Variants in ROBO2 observed in about 807,000 individuals in gnomAD.
ROBO2 encodes roundabout guidance receptor 2, also known as roundabout homolog 2.
Under a neutral mutation model 160.8 loss-of-function variants are expected in ROBO2, and 53 were observed. The observed-to-expected ratio is 0.33, with a 90% CI of 0.26 to 0.41. The LOEUF is 0.41. Ranked by LOEUF, ROBO2 falls within the 10% of genes least tolerant of loss-of-function variation. The pLI is 1.00. For missense variants in ROBO2, 1,577 were observed against 1,722.4 expected, an observed-to-expected ratio of 0.92 and a Z score of 1.49; for synonymous variants, 664 against 611.7, an observed-to-expected ratio of 1.09 and a Z score of -1.26.
chr3:76,910,640 C>T (rs375335769), intron 2 of ROBO2, among the ~76,000 whole-genome samples: 4 of 144,372 alleles, frequency 2.8e-5, no homozygotes, highest in Non-Finnish European at 6.0e-5. Context: ...GCAGGAGAAT[C>T]GCTTGAACCC....
At chr3:76,948,989 G>A (rs1476570248) in intron 2 of ROBO2, among the ~76,000 whole-genome samples, 1 of 141,300 alleles carries the variant, frequency 7.1e-6, no homozygotes, top group Non-Finnish European at 1.5e-5. Context: ...GACCTGAGGT[G>A]ATCCACCCGC....
At position 77,483,125 on chromosome 3, in the gene ROBO2, T is replaced by C. The variant is rs190937112; in HGVS notation, c.667+1906T>C. Among the ~76,000 whole-genome samples, 1,028 of 152,260 alleles carry C rather than the reference T, an allele frequency of 6.8e-3. 5 individuals are homozygous for C. Among genetic ancestry groups the C allele is most frequent in the Non-Finnish European group, 0.01 (706 of 68,010 alleles). ...TCTAGAGGCAGTTCCCCTGGCAGAA[T>C]TGATTTAGGAAACGGAGAATGTTTA... On this transcript the variant is annotated intron_variant, in intron 4 of 25. Coordinates refer to ENST00000461745, the Ensembl canonical transcript of ROBO2.
intron 2 of ROBO2, among the ~76,000 whole-genome samples, chr3:77,300,035 A>C (rs988766752): frequency 6.6e-6 from 1 of 152,138 alleles, no homozygotes; most frequent in African/African-American, 2.4e-5. Context: ...AAAATATTTA[A>C]ATCTGCCATA....
At chr3:76,588,616 G>A (rs751796660) in intron 2 of ROBO2, among the ~76,000 whole-genome samples, 1 of 152,164 alleles carries the variant, frequency 6.6e-6, no homozygotes, top group Non-Finnish European at 1.5e-5. Context: ...GTTACAAATA[G>A]TGTTATTTAA....
chr3:76,124,133 A>T (rs2070869628), intron 2 of ROBO2, among the ~76,000 whole-genome samples: 1 of 152,150 alleles, frequency 6.6e-6, no homozygotes, highest in Admixed American at 6.5e-5. Flanking sequence ...CTTAAATATA[A>T]AAGTTACTAT....
chr3:76,677,848 G>A (rs1418807037), intron 2 of ROBO2, among the ~76,000 whole-genome samples: 1 of 150,672 alleles, frequency 6.6e-6, no homozygotes, highest in African/African-American at 2.4e-5. Flanking sequence ...CTAGCTTCTA[G>A]CATAATCCCA....
intron 2 of ROBO2, among the ~76,000 whole-genome samples, chr3:76,363,210 C>G (rs1186736910): frequency 6.6e-6 from 1 of 151,952 alleles, no homozygotes; most frequent in Admixed American, 6.6e-5. Context: ...CACACACACA[C>G]AGGCACACAC....
At chr3:75,907,967 C>A (rs1946425065) in intron 1 of ROBO2, among the ~76,000 whole-genome samples, 1 of 151,586 alleles carries the variant, frequency 6.6e-6, no homozygotes, top group Admixed American at 6.6e-5. Context: ...AATTTGTGAT[C>A]ATCATGATTG....
intron 2 of ROBO2, among the ~76,000 whole-genome samples, chr3:77,143,146 T>C (rs1454731155): frequency 2.9e-5 from 4 of 140,090 alleles, no homozygotes; most frequent in Non-Finnish European, 4.6e-5. Context: ...GCAATTTACC[T>C]ACCAGACACC....
At chr3:76,202,230 A>G (rs749807489) in intron 2 of ROBO2, among the ~76,000 whole-genome samples, 2 of 152,212 alleles carry the variant, frequency 1.3e-5, no homozygotes, top group South Asian at 2.1e-4. Flanking sequence ...CTGTTTCATA[A>G]TTCATAAAAT....
intron 2 of ROBO2, among the ~76,000 whole-genome samples, chr3:76,290,195 C>A (rs1258951332): frequency 6.6e-6 from 1 of 151,950 alleles, no homozygotes; most frequent in African/African-American, 2.4e-5. Flanking sequence ...CTGTAGGGAT[C>A]TTTTCACTGA....
intron 2 of ROBO2, among the ~76,000 whole-genome samples, chr3:76,290,597 C>T (rs1483100244): frequency 6.6e-6 from 1 of 152,042 alleles, no homozygotes; most frequent in Non-Finnish European, 1.5e-5. Flanking sequence ...TTTTCTTTTT[C>T]CAGTTCTCAA....
intron 2 of ROBO2, among the ~76,000 whole-genome samples, chr3:76,698,164 T>A (rs2092971009): frequency 6.6e-6 from 1 of 152,210 alleles, no homozygotes; most frequent in African/African-American, 2.4e-5. Flanking sequence ...TAGCTTGTTG[T>A]TTGGCATTGC....
chr3:76,230,732 A>G (rs1456039316), intron 2 of ROBO2, among the ~76,000 whole-genome samples: 1 of 151,724 alleles, frequency 6.6e-6, no homozygotes, highest in Non-Finnish European at 1.5e-5. Context: ...TTTGAATTGT[A>G]ATTCCCAGAA....
intron 2 of ROBO2, among the ~76,000 whole-genome samples, chr3:77,406,170 T>G (rs2153516609): frequency 6.6e-6 from 1 of 152,224 alleles, no homozygotes; most frequent in Non-Finnish European, 1.5e-5. Context: ...GGGGAAGAGC[T>G]TCTTCAAAAG....
chr3:76,851,815 T>TG (rs2069426795), intron 2 of ROBO2, among the ~76,000 whole-genome samples: 12 of 151,108 alleles, frequency 7.9e-5, no homozygotes, highest in Admixed American at 7.9e-4. Context: ...ATTTCAACAG[T>TG]ATGCATTAAA....
intron 2 of ROBO2, among the ~76,000 whole-genome samples, chr3:77,113,414 T>C (rs534929978): frequency 3.3e-5 from 5 of 152,356 alleles, no homozygotes; most frequent in South Asian, 2.1e-4. Context: ...TAAGTACTTA[T>C]TTGGTTCTTG....
chr3:77,538,399 G>C (rs2092286954), intron 6 of ROBO2, among the ~76,000 whole-genome samples: 1 of 151,926 alleles, frequency 6.6e-6, no homozygotes, highest in African/African-American at 2.4e-5. Context: ...GGATGGTCTC[G>C]ATCTCCTGAC....
chr3:76,753,286 G>C (rs1225618058), intron 2 of ROBO2, among the ~76,000 whole-genome samples: 1 of 151,564 alleles, frequency 6.6e-6, no homozygotes. Context: ...CAAGAAAAAA[G>C]TTTTAAAATA....
Sources: gnomAD v4.1 joint callset for allele counts (sites outside exome capture counted in the v4.1 genomes callset) on GRCh38, gnomAD v4.1.1 for gene constraint, MANE v1.5 for transcripts, NCBI Gene and HGNC (gene_info 2026-07-23, HGNC 2026-07-21) for gene names.